The following CD8B variants were observed in gnomAD, a reference collection of about 807,000 sequenced individuals.
The protein encoded by CD8B is CD8 subunit beta, also known as T-cell surface glycoprotein CD8 beta chain.
A neutral mutation model predicts 24.2 loss-of-function variants in CD8B; 6 were observed. The observed-to-expected ratio is 0.25, with a 90% CI of 0.14 to 0.49. The LOEUF is 0.49. Ranked by LOEUF, CD8B falls within the 20% of genes least tolerant of loss-of-function variation. The pLI, the probability that CD8B is intolerant of heterozygous loss-of-function variation, is 0.98. For missense variants in CD8B, 196 were observed against 271.3 expected (o/e 0.72, Z 1.95); for synonymous variants, 84 against 108.3 (o/e 0.78, Z 1.39).
chr2:86,837,388 G>A (rs148213981), downstream of CD8B, among the ~76,000 whole-genome samples: 4,453 of 152,260 alleles, frequency 0.029, 94 homozygotes, highest in Non-Finnish European at 0.046. Flanking sequence ...ATCTCAAACC[G>A]ACGCAGGGCT....
Position 86,840,405 on chromosome 2 carries a change from C to T in CD8B, c.*1902G>A, listed in dbSNP as rs1675364823. Among the ~76,000 whole-genome samples, 1 of 152,242 alleles carries T rather than the reference C, an allele frequency of 6.6e-6. No homozygotes were observed. Among genetic ancestry groups the T allele is most frequent in the Non-Finnish European group, 1.5e-5 (1 of 68,044 alleles). ...GGATCAAAGGCTACTCTCCCTACAA[C>T]CCTCCCCCTTCCACTGCATCTCAGA... On this transcript the variant is annotated 3_prime_UTR_variant, in exon 6 of 6. Transcript: ENST00000390655.
In CD8B at chr2:86,841,827, C is replaced by T; in HGVS notation, c.*480G>A. ...CTGGACAGCCCCTCTCAGCAAGCCTCATTCCCAACCTGCACCTGGCCTCTC... is the reference window on the plus strand; with the variant it reads ...CTGGACAGCCCCTCTCAGCAAGCCTTATTCCCAACCTGCACCTGGCCTCTC... On this transcript the variant is annotated 3_prime_UTR_variant, in exon 6 of 6. Transcript: ENST00000390655. The T allele has an allele frequency of 4.1e-6, 4 of 985,994 alleles. No individual in the cohort carries two copies. The highest frequency in any genetic ancestry group is 4.8e-6 in the Non-Finnish European group (4 of 830,378). 61.1% of individuals were successfully genotyped at this position (985,994 alleles called of 1,614,324 possible).
chr2:86,847,185 C>T (rs929069901), intron 3 of CD8B, among the ~76,000 whole-genome samples: 4 of 151,900 alleles, frequency 2.6e-5, no homozygotes, highest in Non-Finnish European at 5.9e-5. Flanking sequence ...AATCCGCCCA[C>T]CTTGGCCTCC....
rs572595282 is a variant in CD8B at position 86,861,728 on chromosome 2, C to G, written c.43+95G>C. On this transcript the variant is annotated intron_variant, in intron 1 of 5. Coordinates refer to ENST00000390655, the MANE Select transcript of CD8B (RefSeq NM_004931.5). ...CGCCACCGCGGGCTCGACGCTGCAC[C>G]CTGCCAGGACCAGGGCCAGGACAGC... 1.5e-4 allele frequency: 151 copies of G among 1,004,520 alleles called. No homozygotes were observed. In the African/African-American group the frequency reaches 2.3e-3, roughly 15 times the overall value. The allele number at this position is 1,004,520 out of a possible 1,614,324, so 62.2% of individuals were successfully genotyped here.
At chr2:86,821,419 T>C (rs1674463117) in intron 5 of CD8B, among the ~76,000 whole-genome samples, 1 of 152,240 alleles carries the variant, frequency 6.6e-6, no homozygotes, top group Non-Finnish European at 1.5e-5. Context: ...CCCAGCACAG[T>C]GCTGGCGCCT....
At chr2:86,822,865 T>G (rs989806319) in intron 5 of CD8B, among the ~76,000 whole-genome samples, 1 of 152,228 alleles carries the variant, frequency 6.6e-6, no homozygotes, top group African/African-American at 2.4e-5. Flanking sequence ...ATGTTGTTGG[T>G]GCCACTTACT....
intron 1 of CD8B, among the ~76,000 whole-genome samples, chr2:86,860,755 C>T (rs142803112): frequency 2.0e-5 from 3 of 152,050 alleles, no homozygotes; most frequent in Admixed American, 6.6e-5. Context: ...GAAGCCCTTC[C>T]GGGAAAACCC....
intron 2 of CD8B, among the ~76,000 whole-genome samples, chr2:86,857,129 C>T (rs1676306393): frequency 6.6e-6 from 1 of 151,820 alleles, no homozygotes; most frequent in Admixed American, 6.6e-5. Flanking sequence ...AACACTGAGG[C>T]CCAGGGGAGA....
At chr2:86,825,615 C>A (rs1674648704) in intron 5 of CD8B, among the ~76,000 whole-genome samples, 1 of 152,180 alleles carries the variant, frequency 6.6e-6, no homozygotes, top group Non-Finnish European at 1.5e-5. Flanking sequence ...AGGTGAATGT[C>A]CCAGAGCTCC....
In CD8B at chr2:86,818,195, C is replaced by T. The variant is rs527748136; in HGVS notation, c.621-2477G>A. Reference sequence around the variant, plus strand: ...CTGCACTTCAGTCTGGGTGACAGAGCGAGACTCCATCTCAAAATAAATAAA... The same window carrying T: ...CTGCACTTCAGTCTGGGTGACAGAGTGAGACTCCATCTCAAAATAAATAAA... On this transcript the variant is annotated intron_variant, in intron 5 of 5. Transcript: ENST00000331469. 4.4e-4 allele frequency among the ~76,000 whole-genome samples: 67 copies of T among 151,334 alleles called. 1 individual carries two copies. Among genetic ancestry groups the T allele is most frequent in the African/African-American group, 1.5e-3 (61 of 41,172 alleles).
At chr2:86,835,808 C>G (rs1384287479), downstream of CD8B, among the ~76,000 whole-genome samples, 1 of 148,038 alleles carries the variant, frequency 6.8e-6, no homozygotes, top group East Asian at 2.0e-4. Flanking sequence ...ATGCCCTCTG[C>G]TTGTGTTGGT....
At chr2:86,852,148 T>C (rs1238901500) in intron 3 of CD8B, among the ~76,000 whole-genome samples, 1 of 152,150 alleles carries the variant, frequency 6.6e-6, no homozygotes, top group Non-Finnish European at 1.5e-5. Context: ...TACATTTTCG[T>C]AGAGACAGAG....
At chr2:86,816,676 C>T (rs190524455) in intron 5 of CD8B, among the ~76,000 whole-genome samples, 129 of 152,254 alleles carry the variant, frequency 8.5e-4, no homozygotes, top group Non-Finnish European at 1.4e-3. Flanking sequence ...GTGGGAAAAA[C>T]GTAAAACTTG....
intron 3 of CD8B, among the ~76,000 whole-genome samples, chr2:86,847,979 T>C (rs934688476): frequency 4.6e-5 from 7 of 152,254 alleles, no homozygotes; most frequent in African/African-American, 2.4e-5. Flanking sequence ...CAATGTGTTC[T>C]TTCTTCCAGC....
intron 5 of CD8B, among the ~76,000 whole-genome samples, chr2:86,843,022 C>A (rs1215587140): frequency 6.6e-6 from 1 of 152,100 alleles, no homozygotes; most frequent in African/African-American, 2.4e-5. Flanking sequence ...GGGACAGACC[C>A]AGACCACAGT....
intron 5 of CD8B, among the ~76,000 whole-genome samples, chr2:86,832,297 G>A (rs1674931941): frequency 3.9e-5 from 6 of 151,980 alleles, no homozygotes; most frequent in Admixed American, 3.9e-4. Flanking sequence ...TGGCCAACAT[G>A]GTGAAACCTC....
intron 1 of CD8B, among the ~76,000 whole-genome samples, chr2:86,860,756 G>C (rs991543065): frequency 2.6e-5 from 4 of 152,206 alleles, no homozygotes; most frequent in African/African-American, 9.6e-5. Context: ...AAGCCCTTCC[G>C]GGAAAACCCA....
intron 2 of CD8B, among the ~76,000 whole-genome samples, chr2:86,855,800 C>T (rs1676207964): frequency 6.6e-6 from 1 of 152,172 alleles, no homozygotes. Flanking sequence ...CAGTGGTGAG[C>T]CCAGAGGGGA....
intron 5 of CD8B, among the ~76,000 whole-genome samples, chr2:86,817,710 A>G (rs1008760052): frequency 6.6e-6 from 1 of 152,212 alleles, no homozygotes; most frequent in Non-Finnish European, 1.5e-5. Flanking sequence ...GGGGTGAAGA[A>G]GGGGTCTCAA....
Sources: gnomAD v4.1 joint callset for allele counts (sites outside exome capture counted in the v4.1 genomes callset) on GRCh38, gnomAD v4.1.1 for gene constraint, MANE v1.5 for transcripts, NCBI Gene and HGNC (gene_info 2026-07-23, HGNC 2026-07-21) for gene names.